The following SYN3 variants were observed in gnomAD, a reference collection of about 807,000 sequenced individuals.
SYN3 encodes synapsin-3.
A neutral mutation model predicts 65.8 loss-of-function variants in SYN3; 35 were observed. That is an observed-to-expected ratio of 0.53 (90% confidence interval 0.41 to 0.70). The LOEUF (loss-of-function observed/expected upper bound fraction) is 0.70. Among genes scored for constraint, SYN3 ranks in the 30% least tolerant of loss-of-function variants. The pLI is 0.00. For synonymous variants in SYN3, 270 were observed against 292.9 expected, an observed-to-expected ratio of 0.92 and a Z score of 0.80; for missense variants, 680 against 749.0, an observed-to-expected ratio of 0.91 and a Z score of 1.08.
At chr22:32,950,851 C>T (rs2051269261) in intron 3 of SYN3, among the ~76,000 whole-genome samples, 1 of 152,082 alleles carries the variant, frequency 6.6e-6, no homozygotes, top group Non-Finnish European at 1.5e-5. Context: ...GGTTGTCAGC[C>T]ATCTTAGGAA....
intron 6 of SYN3, among the ~76,000 whole-genome samples, chr22:32,771,728 G>T (rs550159313): frequency 6.6e-6 from 1 of 152,200 alleles, no homozygotes; most frequent in East Asian, 1.9e-4. Flanking sequence ...CAAGCTTGGG[G>T]ACTATATTAA....
chr22:32,817,299 G>A (rs898944526), intron 6 of SYN3, among the ~76,000 whole-genome samples: 1 of 152,122 alleles, frequency 6.6e-6, no homozygotes, highest in African/African-American at 2.4e-5. Flanking sequence ...CATAGTAAAA[G>A]CTCTGAGAAG....
chr22:32,942,222 C>T (rs9621604), intron 3 of SYN3, among the ~76,000 whole-genome samples: 8,579 of 152,268 alleles, frequency 0.056, 719 homozygotes, highest in African/African-American at 0.18. Flanking sequence ...ACACCTCACA[C>T]GGCCAGGTAC....
chr22:32,674,135 G>C (rs1431276672), intron 6 of SYN3, among the ~76,000 whole-genome samples: 12 of 152,126 alleles, frequency 7.9e-5, no homozygotes, highest in African/African-American at 2.7e-4. Flanking sequence ...GGGTAGAGTA[G>C]GAGAGGGAGA....
intron 6 of SYN3, among the ~76,000 whole-genome samples, chr22:32,784,214 T>G (rs1000857412): frequency 6.6e-6 from 1 of 152,156 alleles, no homozygotes; most frequent in Non-Finnish European, 1.5e-5. Flanking sequence ...TCCTCCACCT[T>G]GAGTGATGGT....
At chr22:32,998,776 T>TAAAAAAAAAAAAA (rs34372968) in intron 2 of SYN3, among the ~76,000 whole-genome samples, 52 of 81,882 alleles carry the variant, frequency 6.4e-4, no homozygotes, top group Middle Eastern at 6.8e-3. Flanking sequence ...ATAGAAATAG[T>TAAAAAAAAAAAAA]AAAAAAAAAA....
chr22:33,022,871 T>C (rs133962), intron 1 of SYN3, among the ~76,000 whole-genome samples: 108,168 of 152,176 alleles, frequency 0.71, 39,070 homozygotes, highest in African/African-American at 0.79. Flanking sequence ...AGCATTTAAC[T>C]TCCTAAGATT....
intron 6 of SYN3, among the ~76,000 whole-genome samples, chr22:32,740,363 G>C (rs1042778427): frequency 1.3e-5 from 2 of 152,222 alleles, no homozygotes; most frequent in African/African-American, 4.8e-5. Context: ...ACAAAAATGA[G>C]AGGTGCTGGA....
intron 3 of SYN3, among the ~76,000 whole-genome samples, chr22:32,954,798 T>C (rs1029822839): frequency 1.3e-5 from 2 of 151,008 alleles, no homozygotes; most frequent in African/African-American, 4.9e-5. Context: ...GGGGACATAT[T>C]GAAGGAGCTG....
chr22:32,724,792 C>A (rs980887128), intron 6 of SYN3, among the ~76,000 whole-genome samples: 1 of 152,058 alleles, frequency 6.6e-6, no homozygotes, highest in African/African-American at 2.4e-5. Context: ...AACCTGGCCC[C>A]AGGGAGGAGA....
intron 1 of SYN3, among the ~76,000 whole-genome samples, chr22:33,018,073 C>CA (rs1317588196): frequency 6.6e-6 from 1 of 152,062 alleles, no homozygotes; most frequent in African/African-American, 2.4e-5. Flanking sequence ...TGAAAGTAAG[C>CA]CATTGGAGGG....
At chr22:32,532,088 C>G in intron 10 of SYN3, among the ~76,000 whole-genome samples, 1 of 152,242 alleles carries the variant, frequency 6.6e-6, no homozygotes, top group Non-Finnish European at 1.5e-5. Flanking sequence ...GAGGAGCTGG[C>G]CTTTGGGGGT....
At chr22:32,571,276 C>G (rs567173394) in intron 7 of SYN3, among the ~76,000 whole-genome samples, 1 of 152,228 alleles carries the variant, frequency 6.6e-6, no homozygotes, top group South Asian at 2.1e-4. Context: ...TGTCTTCTTC[C>G]TTTCCATCCC....
rs1287514967 is a variant in SYN3, at chr22:33,058,296, C to A, written c.-167G>T. ...TTGCGGCGCCGCGCCGCTTACCGTG[C>A]GAGCCGCCAGGAACTCGGCGCCCGG... is the stretch of plus-strand genomic sequence containing the variant. On this transcript the variant is annotated 5_prime_UTR_variant, in exon 1 of 14. Coordinates refer to ENST00000358763, the MANE Select transcript of SYN3 (RefSeq NM_003490.4). The A allele has an allele frequency of 6.6e-6, 1 of 151,750 alleles. No individual in the cohort carries two copies. The highest frequency in any genetic ancestry group is 2.0e-4 in the East Asian group (1 of 5,116). The allele number at this position is 151,750 out of a possible 1,614,324, so 9.4% of individuals were successfully genotyped here.
rs145795619 is a variant in SYN3 at position 32,630,701 on chromosome 22, A to G, written c.712-33965T>C. On this transcript the variant is annotated intron_variant, in intron 6 of 13. Coordinates refer to ENST00000358763, the MANE Select transcript of SYN3 (RefSeq NM_003490.4). Reference sequence around the variant, plus strand: ...TGTGACCAACACTTAATCAAGACATAGGCCATTTCCATCTCTGCGGCAAGT... The same window carrying G: ...TGTGACCAACACTTAATCAAGACATGGGCCATTTCCATCTCTGCGGCAAGT... 2.5e-3 allele frequency among the ~76,000 whole-genome samples: 384 copies of G among 152,356 alleles called. 1 individual carries two copies. The highest frequency in any genetic ancestry group is 8.9e-3 in the African/African-American group (372 of 41,584).
At chr22:32,648,449 C>T (rs1468605928) in intron 6 of SYN3, among the ~76,000 whole-genome samples, 3 of 152,216 alleles carry the variant, frequency 2.0e-5, no homozygotes, top group Middle Eastern at 3.4e-3. Context: ...TTACAGTATA[C>T]ACAGTACATA....
At chr22:32,972,275 G>A (rs1049541794) in intron 3 of SYN3, among the ~76,000 whole-genome samples, 3 of 152,172 alleles carry the variant, frequency 2.0e-5, no homozygotes, top group African/African-American at 4.8e-5. Context: ...ACAAATTATG[G>A]TGTATCCATA....
intron 12 of SYN3, among the ~76,000 whole-genome samples, chr22:32,522,468 G>A (rs868728412): frequency 1.3e-5 from 2 of 152,300 alleles, no homozygotes; most frequent in South Asian, 4.1e-4. Flanking sequence ...CCAGGGCAGA[G>A]GGGAAAGGAG....
chr22:32,845,321 C>T (rs2048029318), intron 6 of SYN3, among the ~76,000 whole-genome samples: 1 of 152,116 alleles, frequency 6.6e-6, no homozygotes, highest in Admixed American at 6.5e-5. Flanking sequence ...CTCAGCCTCC[C>T]AAGTAGCTGG....
Sources: allele counts gnomAD v4.1 joint callset (sites outside exome capture counted in the v4.1 genomes callset), GRCh38; gene constraint gnomAD v4.1.1; transcripts MANE v1.5; gene names NCBI Gene and HGNC (gene_info 2026-07-23, HGNC 2026-07-21).